The following GALNTL6 variants were observed in gnomAD, a reference collection of about 807,000 sequenced individuals.
The protein encoded by GALNTL6 is polypeptide N-acetylgalactosaminyltransferase-like 6.
In GALNTL6, 46 loss-of-function variants were observed where a neutral mutation model predicts 73.7. The observed-to-expected ratio is 0.62, with a 90% confidence interval of 0.49 to 0.80. The LOEUF is 0.80. Among genes scored for constraint, GALNTL6 ranks in the 30% least tolerant of loss-of-function variants. The pLI, the probability that GALNTL6 is intolerant of heterozygous loss-of-function variation, is 0.00. For missense variants in GALNTL6, 604 were observed against 755.0 expected (o/e 0.80, Z 2.34); for synonymous variants, 259 against 263.7 (o/e 0.98, Z 0.17).
chr4:172,641,361 C>T (rs1739968984), intron 5 of GALNTL6, among the ~76,000 whole-genome samples: 1 of 152,092 alleles, frequency 6.6e-6, no homozygotes, highest in African/African-American at 2.4e-5. Flanking sequence ...TTACAAGGCC[C>T]TGCCAGTTCT....
At chr4:172,579,837 G>T (rs1579208166) in intron 5 of GALNTL6, among the ~76,000 whole-genome samples, 1 of 82,136 alleles carries the variant, frequency 1.2e-5, no homozygotes, top group African/African-American at 3.2e-5. Flanking sequence ...AAGGAAGGAG[G>T]GAAGGAAGGA....
chr4:172,994,478 A>C (rs1350908510), intron 10 of GALNTL6, among the ~76,000 whole-genome samples: 1 of 152,218 alleles, frequency 6.6e-6, no homozygotes, highest in Non-Finnish European at 1.5e-5. Context: ...TTATAATTTA[A>C]GGCTCACAGA....
chr4:172,675,572 T>C (rs1351098739), intron 5 of GALNTL6, among the ~76,000 whole-genome samples: 2 of 152,158 alleles, frequency 1.3e-5, no homozygotes, highest in Non-Finnish European at 2.9e-5. Flanking sequence ...GCAAGAATGA[T>C]TGCCCTGGAG....
intron 2 of GALNTL6, among the ~76,000 whole-genome samples, chr4:172,175,679 C>G (rs1734966680): frequency 6.6e-6 from 1 of 152,148 alleles, no homozygotes; most frequent in African/African-American, 2.4e-5. Flanking sequence ...GATTCTTAAG[C>G]ATTTCAAACA....
intron 5 of GALNTL6, among the ~76,000 whole-genome samples, chr4:172,703,841 G>A (rs746570222): frequency 1.3e-5 from 2 of 151,908 alleles, no homozygotes; most frequent in Non-Finnish European, 2.9e-5. Context: ...TCTTTCCTGA[G>A]AAACTTTTTA....
intron 5 of GALNTL6, among the ~76,000 whole-genome samples, chr4:172,758,791 A>G (rs949085933): frequency 6.6e-6 from 1 of 152,106 alleles, no homozygotes; most frequent in Non-Finnish European, 1.5e-5. Flanking sequence ...TGTAAACACT[A>G]CCCATCTATT....
At chr4:172,773,117 C>A (rs1356492638) in intron 5 of GALNTL6, among the ~76,000 whole-genome samples, 1 of 152,214 alleles carries the variant, frequency 6.6e-6, no homozygotes, top group African/African-American at 2.4e-5. Context: ...GAACTACATG[C>A]ATCACTCCGT....
At chr4:172,931,420 G>C in intron 9 of GALNTL6, 152 bp downstream of exon 9, 1 of 615,478 alleles carries the variant, frequency 1.6e-6, no homozygotes, top group Non-Finnish European at 2.9e-6. Context: ...GCTTAAAGAA[G>C]TATTAACTAT....
intron 5 of GALNTL6, among the ~76,000 whole-genome samples, chr4:172,601,312 A>C (rs1049762770): frequency 1.1e-4 from 17 of 152,276 alleles, no homozygotes; most frequent in African/African-American, 4.1e-4. Flanking sequence ...TTTGAAACTC[A>C]TGTTGAAATT....
chr4:172,005,562 T>A (rs1236438991), intron 2 of GALNTL6, among the ~76,000 whole-genome samples: 3 of 152,144 alleles, frequency 2.0e-5, no homozygotes, highest in African/African-American at 7.2e-5. Context: ...TCACAGTATA[T>A]CCCCTCTCCC....
intron 3 of GALNTL6, among the ~76,000 whole-genome samples, chr4:172,274,079 C>T (rs889732860): frequency 8.5e-5 from 13 of 152,210 alleles, no homozygotes; most frequent in Non-Finnish European, 1.3e-4. Context: ...TGTAGAAAAT[C>T]GTTTCATTAT....
chr4:171,819,406 A>T (rs2046483), intron 2 of GALNTL6, among the ~76,000 whole-genome samples: 2,576 of 152,256 alleles, frequency 0.017, 204 homozygotes, highest in Admixed American at 0.14. Flanking sequence ...TCTGGTCAAA[A>T]AAATAAATAA....
chr4:172,390,821 G>T, intron 5 of GALNTL6, among the ~76,000 whole-genome samples: 1 of 152,066 alleles, frequency 6.6e-6, no homozygotes, highest in East Asian at 1.9e-4. Context: ...ACACAGATAA[G>T]ATAAAATGCA....
chr4:172,464,717 T>TAAG (rs1211736570), intron 5 of GALNTL6, among the ~76,000 whole-genome samples: 106 of 151,578 alleles, frequency 7.0e-4, no homozygotes, highest in African/African-American at 2.4e-3. Context: ...TCAAAAATAA[T>TAAG]AATAATAATA....
intron 11 of GALNTL6, among the ~76,000 whole-genome samples, chr4:173,012,555 T>C (rs754195316): frequency 1.7e-4 from 26 of 152,144 alleles, no homozygotes; most frequent in Non-Finnish European, 2.9e-4. Flanking sequence ...CCAACCTGGA[T>C]TTTAGTTTAA....
intron 5 of GALNTL6, among the ~76,000 whole-genome samples, chr4:172,690,646 A>T (rs1733222817): frequency 6.6e-6 from 1 of 152,202 alleles, no homozygotes; most frequent in Admixed American, 6.5e-5. Context: ...ATTATAGTGG[A>T]TTACTCTCAT....
At chr4:172,836,782 C>A (rs540331351) in intron 7 of GALNTL6, among the ~76,000 whole-genome samples, 1 of 152,232 alleles carries the variant, frequency 6.6e-6, no homozygotes, top group East Asian at 1.9e-4. Context: ...TTTTAATTCC[C>A]AGTATCAAAC....
intron 5 of GALNTL6, among the ~76,000 whole-genome samples, chr4:172,634,034 A>T (rs1739532571): frequency 6.6e-6 from 1 of 152,214 alleles, no homozygotes; most frequent in Non-Finnish European, 1.5e-5. Flanking sequence ...ACAGGCTAAT[A>T]CATAGTCCTA....
At chr4:172,367,445 A>T (rs1015056632) in intron 5 of GALNTL6, among the ~76,000 whole-genome samples, 1 of 152,000 alleles carries the variant, frequency 6.6e-6, no homozygotes. Flanking sequence ...GAATGCCTTC[A>T]TAAGGCCCCT....
Sources: allele counts gnomAD v4.1 joint callset (sites outside exome capture counted in the v4.1 genomes callset), GRCh38; gene constraint gnomAD v4.1.1; transcripts MANE v1.5; gene names NCBI Gene and HGNC (gene_info 2026-07-23, HGNC 2026-07-21).